CIRSR: variants seen among roughly 807,000 people sequenced by gnomAD.
CIRSR encodes CBF1 (RBPJ) interacting corepressor 1.
the CIRSR span, among the ~76,000 whole-genome samples, chr2:174,366,760 A>G: frequency 6.6e-6 from 1 of 152,210 alleles, no homozygotes; most frequent in Admixed American, 6.5e-5. Context: ...GTATGGCAGC[A>G]ATGTTATAAG....
At chr2:174,350,387 T>C in the CIRSR span, among the ~76,000 whole-genome samples, 2 of 152,208 alleles carry the variant, frequency 1.3e-5, no homozygotes, top group East Asian at 3.8e-4. Flanking sequence ...AAATCTATTT[T>C]GAAAAGTAAA....
the CIRSR span, among the ~76,000 whole-genome samples, chr2:174,385,215 CAAAAAAAAAAAA>C: frequency 6.4e-5 from 6 of 94,116 alleles, no homozygotes; most frequent in South Asian, 2.0e-3. Flanking sequence ...ACCTTCCTCT[CAAAAAAAAAAAA>C]AAAAAAAAAA....
the CIRSR span, among the ~76,000 whole-genome samples, chr2:174,391,847 G>C: frequency 6.6e-6 from 1 of 152,152 alleles, no homozygotes; most frequent in African/African-American, 2.4e-5. Flanking sequence ...ATTATGGTGA[G>C]AGTAGCCAGT....
chr2:174,380,785 A>G, the CIRSR span: 1 of 1,601,434 alleles, frequency 6.2e-7, no homozygotes, highest in Non-Finnish European at 8.5e-7. Flanking sequence ...AAATTCAGAC[A>G]TAGAAAATAG....
At chr2:174,370,259 A>G in the CIRSR span, among the ~76,000 whole-genome samples, 1 of 152,180 alleles carries the variant, frequency 6.6e-6, no homozygotes, top group African/African-American at 2.4e-5. Flanking sequence ...CTGTGTTGCC[A>G]AAGTTGGTCT....
chr2:174,376,886 T>C, the CIRSR span, among the ~76,000 whole-genome samples: 15 of 152,104 alleles, frequency 9.9e-5, no homozygotes, highest in African/African-American at 3.6e-4. Flanking sequence ...CACATAATTA[T>C]GGGCATGTTT....
the CIRSR span, among the ~76,000 whole-genome samples, chr2:174,364,965 C>A: frequency 6.6e-6 from 1 of 152,166 alleles, no homozygotes; most frequent in Non-Finnish European, 1.5e-5. Flanking sequence ...ATTTCTGTAG[C>A]CGGCTTGAAT....
At chr2:174,373,086 A>T in the CIRSR span, among the ~76,000 whole-genome samples, 1 of 152,366 alleles carries the variant, frequency 6.6e-6, no homozygotes, top group South Asian at 2.1e-4. Flanking sequence ...ATGCCTAAGA[A>T]ATAGATCAGT....
chr2:174,352,272 T>C, the CIRSR span, among the ~76,000 whole-genome samples: 1 of 152,140 alleles, frequency 6.6e-6, no homozygotes, highest in South Asian at 2.1e-4. Flanking sequence ...GTACTTTAAT[T>C]AATCTTGCTT....
chr2:174,367,375 C>A, the CIRSR span, among the ~76,000 whole-genome samples: 2 of 152,000 alleles, frequency 1.3e-5, no homozygotes, highest in Non-Finnish European at 2.9e-5. Context: ...GTCAAGAGAT[C>A]GAGACCATCC....
the CIRSR span, among the ~76,000 whole-genome samples, chr2:174,376,253 A>G: frequency 6.6e-6 from 1 of 152,184 alleles, no homozygotes; most frequent in Non-Finnish European, 1.5e-5. Flanking sequence ...TCTCCCACCC[A>G]GGTGCTCAAT....
chr2:174,362,292 C>T, the CIRSR span, among the ~76,000 whole-genome samples: 6 of 151,612 alleles, frequency 4.0e-5, no homozygotes, highest in Non-Finnish European at 5.9e-5. Context: ...GGGGACAAAG[C>T]GAGACCTTTT....
At chr2:174,380,253 A>G in the CIRSR span, 8 of 1,588,058 alleles carry the variant, frequency 5.0e-6, no homozygotes, top group African/African-American at 1.4e-5. Flanking sequence ...TGGCATATCT[A>G]TTAAATAGAG....
At chr2:174,351,010 T>TAA in the CIRSR span, among the ~76,000 whole-genome samples, 1 of 152,320 alleles carries the variant, frequency 6.6e-6, no homozygotes, top group East Asian at 1.9e-4. Context: ...CACACACAGA[T>TAA]AAAATGTTTA....
chr2:174,357,800 G>C, the CIRSR span, among the ~76,000 whole-genome samples: 1 of 152,140 alleles, frequency 6.6e-6, no homozygotes. Flanking sequence ...TAAAAAAGGG[G>C]CTCAGTAGGA....
chr2:174,377,189 C>T, the CIRSR span, among the ~76,000 whole-genome samples: 1 of 152,144 alleles, frequency 6.6e-6, no homozygotes, highest in Admixed American at 6.6e-5. Flanking sequence ...GCAACCCTTT[C>T]CAGAAAACAG....
At chr2:174,372,326 C>T in the CIRSR span, among the ~76,000 whole-genome samples, 1 of 152,156 alleles carries the variant, frequency 6.6e-6, no homozygotes, top group African/African-American at 2.4e-5. Context: ...AATCCTACCA[C>T]CCAGACACAA....
At chr2:174,369,629 T>C in the CIRSR span, among the ~76,000 whole-genome samples, 19 of 152,346 alleles carry the variant, frequency 1.2e-4, no homozygotes, top group Admixed American at 5.2e-4. Context: ...CTTCCTTTCA[T>C]TTGAACACTT....
chr2:174,374,763 T>C, the CIRSR span, among the ~76,000 whole-genome samples: 2 of 152,200 alleles, frequency 1.3e-5, no homozygotes, highest in African/African-American at 4.8e-5. Flanking sequence ...GTTTCCTCTA[T>C]ACGAAAGGTT....
Sources: allele counts gnomAD v4.1 joint callset (sites outside exome capture counted in the v4.1 genomes callset), GRCh38; gene constraint gnomAD v4.1.1; transcripts MANE v1.5; gene names NCBI Gene and HGNC (gene_info 2026-07-23, HGNC 2026-07-21).